The following NCOA6 variants were observed in gnomAD, a reference collection of about 807,000 sequenced individuals.
The protein encoded by NCOA6 is nuclear receptor coactivator 6, also known as NRC RAP250.
A neutral mutation model predicts 171.4 loss-of-function variants in NCOA6; 49 were observed. That is an observed-to-expected ratio of 0.29 (90% CI 0.23 to 0.36). NCOA6 has a LOEUF of 0.36. Ranked by LOEUF, NCOA6 falls within the 10% of genes least tolerant of loss-of-function variation. NCOA6 has a pLI of 1.00. For synonymous variants in NCOA6, 910 were observed against 927.5 expected, an observed-to-expected ratio of 0.98 and a Z score of 0.34; for missense variants, 2,248 against 2,554.5, an observed-to-expected ratio of 0.88 and a Z score of 2.59.
At chr20:34,823,572 T>A (rs1178665282) in intron 1 of NCOA6, among the ~76,000 whole-genome samples, 1 of 152,220 alleles carries the variant, frequency 6.6e-6, no homozygotes, top group East Asian at 1.9e-4. Flanking sequence ...GAACTTTGAA[T>A]TCTTCTCTAA....
In NCOA6 at chr20:34,767,747, G is replaced by A. The variant is rs145663407; in HGVS notation, c.514+717C>T. ...CTTTTCTGTTTTATTTGAATAAAGGGTCCTGAAGCTGAAAAAATTGGAAAG... is the reference window on the plus strand; with the variant it reads ...CTTTTCTGTTTTATTTGAATAAAGGATCCTGAAGCTGAAAAAATTGGAAAG... On this transcript the variant is annotated intron_variant, in intron 5 of 14. Transcript: ENST00000359003. 3.7e-3 allele frequency among the ~76,000 whole-genome samples: 560 copies of A among 152,228 alleles called. 6 individuals carry two copies. The highest frequency in any genetic ancestry group is 0.017 in the Middle Eastern group (5 of 294).
intron 1 of NCOA6, among the ~76,000 whole-genome samples, chr20:34,822,953 A>G (rs539990418): frequency 3.8e-4 from 58 of 152,368 alleles, no homozygotes; most frequent in Non-Finnish European, 7.3e-4. Context: ...AAATATCTTT[A>G]TATCATACTA....
intron 1 of NCOA6, among the ~76,000 whole-genome samples, chr20:34,801,115 C>G (rs547934048): frequency 6.6e-6 from 1 of 151,994 alleles, no homozygotes; most frequent in African/African-American, 2.4e-5. Flanking sequence ...ACCAGTGGGT[C>G]CATGAGGAAA....
chr20:34,762,007 G>A (rs1310509803), intron 5 of NCOA6, among the ~76,000 whole-genome samples: 1 of 152,096 alleles, frequency 6.6e-6, no homozygotes, highest in East Asian at 1.9e-4. Flanking sequence ...TGTTATTCAA[G>A]CTCTCCTTTA....
At chr20:34,732,514 G>A (rs758748856) in intron 13 of NCOA6, 45 bp downstream of exon 13, 1 of 1,586,806 alleles carries the variant, frequency 6.3e-7, no homozygotes, top group South Asian at 1.1e-5. Flanking sequence ...TTTCAAAGAG[G>A]CTTATGCTGT....
intron 10 of NCOA6, among the ~76,000 whole-genome samples, chr20:34,743,748 A>T (rs1327526574): frequency 6.6e-6 from 1 of 152,216 alleles, no homozygotes; most frequent in African/African-American, 2.4e-5. Flanking sequence ...TCAATATTTC[A>T]ATGTACTTGT....
intron 4 of NCOA6, among the ~76,000 whole-genome samples, chr20:34,773,786 A>G (rs946539738): frequency 1.1e-4 from 17 of 152,180 alleles, no homozygotes; most frequent in African/African-American, 3.9e-4. Flanking sequence ...GGCCTCCCAA[A>G]GTGTTGGGAT....
At chr20:34,786,503 CTTAACACTGT>C (rs925660433) in intron 2 of NCOA6, among the ~76,000 whole-genome samples, 11 of 152,296 alleles carry the variant, frequency 7.2e-5, no homozygotes, top group African/African-American at 2.6e-4. Flanking sequence ...AAATTTCCCA[CTTAACACTGT>C]TTAACACTGT....
chr20:34,789,727 T>G (rs760070705), intron 2 of NCOA6, among the ~76,000 whole-genome samples: 24 of 152,108 alleles, frequency 1.6e-4, no homozygotes, highest in Admixed American at 9.8e-4. Context: ...GTGGAGGTTG[T>G]GGTGAGCTGA....
intron 3 of NCOA6, among the ~76,000 whole-genome samples, chr20:34,777,299 G>A (rs1372337113): frequency 6.6e-6 from 1 of 151,852 alleles, no homozygotes; most frequent in South Asian, 2.1e-4. Context: ...AATAAACAAT[G>A]GTGAAGATAC....
chr20:34,748,062 T>C (rs772150369), intron 9 of NCOA6, among the ~76,000 whole-genome samples: 3 of 152,178 alleles, frequency 2.0e-5, no homozygotes, highest in Non-Finnish European at 4.4e-5. Flanking sequence ...GTCCTGATGC[T>C]GTGTAAGGTC....
At chr20:34,754,471 G>GA (rs539765833) in intron 8 of NCOA6, among the ~76,000 whole-genome samples, 253 of 152,082 alleles carry the variant, frequency 1.7e-3, no homozygotes, top group African/African-American at 5.9e-3. Flanking sequence ...CCCCTTCAGA[G>GA]AAAAAAAATA....
Position 34,742,814 on chromosome 20 carries a change from T to C in NCOA6, c.3442A>G (p.Asn1148Asp). 1 of 1,614,180 alleles carries C rather than the reference T, an allele frequency of 6.2e-7. No individual in the cohort carries two copies. Among genetic ancestry groups the C allele is most frequent in the Non-Finnish European group, 8.5e-7 (1 of 1,180,026 alleles). The change falls in exon 11 of 15, where the codon AAC (asparagine) becomes GAC (aspartate). Residue 1148 changes from asparagine (N) to aspartate (D), a missense_variant. By Grantham distance (23) the Asn-to-Asp change is conservative. Coordinates refer to ENST00000359003, the MANE Select transcript of NCOA6 (RefSeq NM_014071.5). ...AGTACTACATGTGAAGGCATGTTGT[T>C]TGGGCCTCCTGGGACAGATGGTGCT... ...SEAPSVPGGP[N>D]NMPSHVVLPQ...
At chr20:34,781,966 T>C (rs1188029155) in intron 3 of NCOA6, among the ~76,000 whole-genome samples, 155 bp downstream of exon 3, 1 of 152,208 alleles carries the variant, frequency 6.6e-6, no homozygotes, top group Non-Finnish European at 1.5e-5. Context: ...AAAGAAAACA[T>C]GTATATTTTT....
In NCOA6 at chr20:34,731,735, C is replaced by T. The variant is rs2075786157; in HGVS notation, c.5999+824G>A. ...AAATATTATCCAGTGCATTCCTACA[C>T]TAAAAGAGACAAGACTGTGTGTGGT... On this transcript the variant is annotated intron_variant, in intron 13 of 14. Transcript: ENST00000359003. Among the ~76,000 whole-genome samples, 3 of 152,156 alleles carry T rather than the reference C, an allele frequency of 2.0e-5. No individual in the cohort carries two copies. In the South Asian group the frequency reaches 6.2e-4, roughly 32 times the overall value.
chr20:34,807,306 AG>A (rs1412248173), intron 1 of NCOA6, among the ~76,000 whole-genome samples: 1 of 152,190 alleles, frequency 6.6e-6, no homozygotes, highest in Non-Finnish European at 1.5e-5. Context: ...CCAAGCGCTA[AG>A]ATGAGACACC....
At position 34,763,531 on chromosome 20, in the gene NCOA6, A is replaced by C. The variant is rs1600907104; in HGVS notation, c.515-4598T>G. Among the ~76,000 whole-genome samples the C allele has an allele frequency of 2.0e-5, 3 of 152,304 alleles. No homozygotes were observed. The East Asian group carries it at 5.8e-4, about 29-fold the overall frequency. On this transcript the variant is annotated intron_variant, in intron 5 of 14. Coordinates refer to ENST00000359003, the MANE Select transcript of NCOA6 (RefSeq NM_014071.5). ...TTTAGAGGGAGGGAATCTAATCCTAAATTGTATAAATTCAGAATATAAGCT... is the reference window on the plus strand; with the variant it reads ...TTTAGAGGGAGGGAATCTAATCCTACATTGTATAAATTCAGAATATAAGCT...
chr20:34,800,527 A>C (rs1314856662), intron 1 of NCOA6, among the ~76,000 whole-genome samples: 1 of 152,074 alleles, frequency 6.6e-6, no homozygotes, highest in East Asian at 1.9e-4. Context: ...ACTGAAAACA[A>C]AGGGATGGAA....
At chr20:34,715,534 G>A (rs1234524669) in intron 14 of NCOA6, among the ~76,000 whole-genome samples, 169 bp from the exon 15 acceptor site, 3 of 152,182 alleles carry the variant, frequency 2.0e-5, no homozygotes, top group Admixed American at 6.5e-5. Flanking sequence ...GATGACTTAC[G>A]TGGGAAGAGG....
Sources: gnomAD v4.1 joint callset for allele counts (sites outside exome capture counted in the v4.1 genomes callset) on GRCh38, gnomAD v4.1.1 for gene constraint, MANE v1.5 for transcripts, NCBI Gene and HGNC (gene_info 2026-07-23, HGNC 2026-07-21) for gene names.